Variants in TAOK1 observed in about 807,000 individuals in gnomAD.
The protein encoded by TAOK1 is serine/threonine-protein kinase TAO1.
A neutral mutation model predicts 138.3 loss-of-function variants in TAOK1; 21 were observed. The ratio of observed to expected loss-of-function variants is 0.15; its 90% confidence interval spans 0.11 to 0.22. The LOEUF (loss-of-function observed/expected upper bound fraction) is 0.22. Ranked by LOEUF, TAOK1 falls within the 10% of genes least tolerant of loss-of-function variation. The pLI, the probability that TAOK1 is intolerant of heterozygous loss-of-function variation, is 1.00. For missense variants in TAOK1, 651 were observed against 1,227.7 expected (o/e 0.53, Z 7.02); for synonymous variants, 361 against 398.4 (o/e 0.91, Z 1.12).
chr17:29,445,364 A>C (rs1234210970), intron 1 of TAOK1: 2 of 152,390 alleles, frequency 1.3e-5, no homozygotes, highest in African/African-American at 2.4e-5. Context: ...TGATCTTCTT[A>C]TTCCAATTTT....
rs978269287 is a variant in TAOK1 at position 29,430,846 on chromosome 17, C to T, written c.-94-20609C>T. ...TGTTGGAGATCACGGAACTCTCACC[C>T]TGTTCTGTCTAGTGGAAGGAGGGTA... On this transcript the variant is annotated intron_variant, in intron 1 of 19. Coordinates refer to ENST00000261716, the MANE Select transcript of TAOK1 (RefSeq NM_020791.4). 1.2e-4 allele frequency among the ~76,000 whole-genome samples: 18 copies of T among 152,230 alleles called. No homozygotes were observed. In the East Asian group the frequency reaches 3.5e-3, roughly 29 times the overall value.
At chr17:29,513,807 G>A (rs2153029936) in intron 15 of TAOK1, 1 of 152,272 alleles carries the variant, frequency 6.6e-6, no homozygotes, top group South Asian at 2.1e-4. Context: ...AGCCGGGCGT[G>A]GTGGCACATA....
At chr17:29,539,763 C>T (rs923019818) in intron 19 of TAOK1, among the ~76,000 whole-genome samples, 1 of 151,894 alleles carries the variant, frequency 6.6e-6, no homozygotes, top group Non-Finnish European at 1.5e-5. Context: ...GTAGAAATAC[C>T]CAGTTACCCA....
At chr17:29,402,051 T>TTTCC (rs1904861107) in intron 1 of TAOK1, among the ~76,000 whole-genome samples, 1 of 152,232 alleles carries the variant, frequency 6.6e-6, no homozygotes. Flanking sequence ...ACAACTCTCC[T>TTTCC]TCAATCTCTA....
At chr17:29,487,656 AAGCC>A (rs1360628035) in intron 8 of TAOK1, among the ~76,000 whole-genome samples, 1 of 152,234 alleles carries the variant, frequency 6.6e-6, no homozygotes, top group African/African-American at 2.4e-5. Context: ...CAAAAGACAC[AAGCC>A]AGTTTAAAAA....
At chr17:29,397,850 T>C (rs778009112) in intron 1 of TAOK1, among the ~76,000 whole-genome samples, 2 of 151,700 alleles carry the variant, frequency 1.3e-5, no homozygotes, top group Admixed American at 6.6e-5. Flanking sequence ...TATATATATA[T>C]GTATGTCACC....
chr17:29,461,810 C>T (rs1463172582), intron 2 of TAOK1, among the ~76,000 whole-genome samples: 1 of 151,646 alleles, frequency 6.6e-6, no homozygotes, highest in Non-Finnish European at 1.5e-5. Context: ...CAGGTTAGGA[C>T]CATCCCAGAA....
chr17:29,540,320 T>C (rs2032294585), intron 19 of TAOK1, among the ~76,000 whole-genome samples: 2 of 151,936 alleles, frequency 1.3e-5, no homozygotes, highest in African/African-American at 4.8e-5. Context: ...TCCTCCCCTA[T>C]AGAGCAAACC....
At chr17:29,398,831 C>T (rs935302019) in intron 1 of TAOK1, among the ~76,000 whole-genome samples, 2 of 151,936 alleles carry the variant, frequency 1.3e-5, no homozygotes, top group Non-Finnish European at 2.9e-5. Flanking sequence ...CCACCACACC[C>T]GTTAATGTGA....
chr17:29,538,882 C>T (rs1411505663), intron 19 of TAOK1, among the ~76,000 whole-genome samples: 1 of 152,074 alleles, frequency 6.6e-6, no homozygotes, highest in Non-Finnish European at 1.5e-5. Context: ...TATAAATGAC[C>T]TTTTTTTAAT....
intron 16 of TAOK1, among the ~76,000 whole-genome samples, chr17:29,521,983 T>C (rs1344031846): frequency 6.6e-6 from 1 of 152,206 alleles, no homozygotes; most frequent in African/African-American, 2.4e-5. Context: ...AGGAGCCCTC[T>C]TCAAATATAA....
At chr17:29,425,942 G>A (rs1250497603) in intron 1 of TAOK1, among the ~76,000 whole-genome samples, 1 of 152,098 alleles carries the variant, frequency 6.6e-6, no homozygotes, top group East Asian at 1.9e-4. Context: ...GTGCAGTGGC[G>A]CGATCTCGGC....
chr17:29,419,946 C>T (rs533794826), intron 1 of TAOK1, among the ~76,000 whole-genome samples: 1 of 152,180 alleles, frequency 6.6e-6, no homozygotes, highest in South Asian at 2.1e-4. Context: ...GTGACAGAAT[C>T]TTGGTTCACT....
At chr17:29,417,972 C>T (rs893871923) in intron 1 of TAOK1, among the ~76,000 whole-genome samples, 15 of 152,136 alleles carry the variant, frequency 9.9e-5, no homozygotes, top group Non-Finnish European at 1.8e-4. Context: ...ACTGCAGCCT[C>T]GACTTCCCAG....
intron 8 of TAOK1, among the ~76,000 whole-genome samples, chr17:29,486,664 G>C (rs547987257): frequency 6.6e-6 from 1 of 152,228 alleles, no homozygotes; most frequent in African/African-American, 2.4e-5. Flanking sequence ...GAATTTATGA[G>C]AGTCTAACAC....
intron 18 of TAOK1, among the ~76,000 whole-genome samples, chr17:29,533,488 G>T (rs2150774245): frequency 6.6e-6 from 1 of 152,186 alleles, no homozygotes; most frequent in Non-Finnish European, 1.5e-5. Flanking sequence ...GCCAAGGCAG[G>T]CGGCTGGGAG....
chr17:29,435,966 T>C (rs913707142), intron 1 of TAOK1, among the ~76,000 whole-genome samples: 5 of 151,950 alleles, frequency 3.3e-5, no homozygotes, highest in African/African-American at 1.2e-4. Flanking sequence ...CCATCTGTAC[T>C]AAAAATACAA....
intron 16 of TAOK1, among the ~76,000 whole-genome samples, chr17:29,517,876 A>G (rs934943607): frequency 4.0e-5 from 6 of 151,566 alleles, no homozygotes; most frequent in Admixed American, 2.6e-4. Flanking sequence ...TTTTTTTTTC[A>G]AGACAGTCTC....
chr17:29,522,712 T>A (rs2031940294), intron 17 of TAOK1, among the ~76,000 whole-genome samples, 193 bp downstream of exon 17: 1 of 152,108 alleles, frequency 6.6e-6, no homozygotes. Flanking sequence ...CTCATCAGAG[T>A]ACAAAAAAGT....
Sources: gnomAD v4.1 joint callset for allele counts (sites outside exome capture counted in the v4.1 genomes callset) on GRCh38, gnomAD v4.1.1 for gene constraint, MANE v1.5 for transcripts, NCBI Gene and HGNC (gene_info 2026-07-23, HGNC 2026-07-21) for gene names.